Variants in ULK4 observed in about 807,000 individuals in gnomAD.
The protein encoded by ULK4 is unc-51 like kinase 4, also known as inactive serine/threonine-protein kinase ULK4.
A neutral mutation model predicts 160.6 loss-of-function variants in ULK4; 133 were observed. That is an observed-to-expected ratio of 0.83 (90% CI 0.72 to 0.96). The LOEUF is 0.96. Among genes scored for constraint, ULK4 ranks in the 40% least tolerant of loss-of-function variants. The pLI, the probability that ULK4 is intolerant of heterozygous loss-of-function variation, is 0.00. For missense variants in ULK4, 1,580 were observed against 1,499.5 expected, an observed-to-expected ratio of 1.05 and a Z score of -0.89; for synonymous variants, 534 against 539.8, an observed-to-expected ratio of 0.99 and a Z score of 0.15.
Position 41,834,274 on chromosome 3 carries a change from A to T in ULK4, c.1764+1590T>A, listed in dbSNP as rs550037823. Among the ~76,000 whole-genome samples, 149 of 151,954 alleles carry T rather than the reference A, an allele frequency of 9.8e-4. 1 individual carries two copies. Among genetic ancestry groups the T allele is most frequent in the African/African-American group, 3.4e-3 (142 of 41,522 alleles). On this transcript the variant is annotated intron_variant, in intron 18 of 36. Transcript: ENST00000301831. ...TATAGAATAAAAGAATTGCAACAAA[A>T]TTTTTTTATATATTAATATATGTAA... is the stretch of plus-strand genomic sequence containing the variant.
intron 35 of ULK4, among the ~76,000 whole-genome samples, chr3:41,290,593 AG>A (rs61440198): frequency 9.9e-5 from 15 of 151,934 alleles, no homozygotes; most frequent in Non-Finnish European, 2.2e-4. Context: ...TTCCACTGGG[AG>A]GGGGTTCTGG....
intron 35 of ULK4, among the ~76,000 whole-genome samples, chr3:41,386,802 G>A (rs1048064275): frequency 6.6e-6 from 1 of 152,130 alleles, no homozygotes; most frequent in Non-Finnish European, 1.5e-5. Context: ...GCTGATGTGT[G>A]GGGAAATGAG....
chr3:41,831,531 A>ATATATATATATATATTTTTTTTTTTTT, intron 18 of ULK4, among the ~76,000 whole-genome samples: 12 of 138,120 alleles, frequency 8.7e-5, no homozygotes, highest in African/African-American at 2.8e-4. Flanking sequence ...ATATATATAT[A>ATATATATATATATATTTTTTTTTTTTT]TTTTTTTTTC....
At chr3:41,763,000 AACTC>A (rs1313868681) in intron 21 of ULK4, among the ~76,000 whole-genome samples, 1 of 151,940 alleles carries the variant, frequency 6.6e-6, no homozygotes, top group Non-Finnish European at 1.5e-5. Context: ...CTCTTGTGAG[AACTC>A]ACTCACTATC....
intron 19 of ULK4, among the ~76,000 whole-genome samples, chr3:41,816,238 TCA>T (rs992740963): frequency 6.6e-6 from 1 of 151,868 alleles, no homozygotes; most frequent in African/African-American, 2.4e-5. Context: ...ACACACATAC[TCA>T]CACACACACA....
intron 27 of ULK4, among the ~76,000 whole-genome samples, chr3:41,692,263 C>T (rs1489079157): frequency 2.0e-5 from 3 of 148,482 alleles, no homozygotes; most frequent in Middle Eastern, 6.9e-3. Flanking sequence ...TAAATCACTT[C>T]TAATTCATAG....
At chr3:41,421,545 C>T (rs1390923493) in intron 34 of ULK4, among the ~76,000 whole-genome samples, 2 of 152,162 alleles carry the variant, frequency 1.3e-5, no homozygotes, top group Admixed American at 6.5e-5. Context: ...TGTTTTTGTT[C>T]GCCTTCAATT....
chr3:41,856,026 G>A (rs1012080635), intron 17 of ULK4, among the ~76,000 whole-genome samples: 8 of 152,238 alleles, frequency 5.3e-5, no homozygotes, highest in Middle Eastern at 3.4e-3. Flanking sequence ...ATCATTTTAA[G>A]AAATTAGAAA....
intron 36 of ULK4, among the ~76,000 whole-genome samples, chr3:41,248,571 T>G (rs1198985125): frequency 2.6e-5 from 4 of 152,208 alleles, no homozygotes; most frequent in Non-Finnish European, 5.9e-5. Context: ...CTCTGCAAAC[T>G]CACCTTCTTA....
chr3:41,856,032 A>G (rs1016578147), intron 17 of ULK4, among the ~76,000 whole-genome samples: 1 of 152,198 alleles, frequency 6.6e-6, no homozygotes. Flanking sequence ...TTAAGAAATT[A>G]GAAAGCATGT....
At chr3:41,956,172 T>G (rs1661915510) in intron 1 of ULK4, among the ~76,000 whole-genome samples, 1 of 152,204 alleles carries the variant, frequency 6.6e-6, no homozygotes. Flanking sequence ...ACTTTGTAAC[T>G]TCACCTTAGC....
At chr3:41,704,224 C>T (rs2036785202) in intron 27 of ULK4, among the ~76,000 whole-genome samples, 2 of 152,108 alleles carry the variant, frequency 1.3e-5, no homozygotes, top group Non-Finnish European at 2.9e-5. Context: ...GGGTCAAATG[C>T]TAAATGGGAC....
At chr3:41,635,953 C>T (rs183145783) in intron 30 of ULK4, among the ~76,000 whole-genome samples, 2 of 152,266 alleles carry the variant, frequency 1.3e-5, no homozygotes, top group Admixed American at 6.5e-5. Flanking sequence ...AGTTTTCCAA[C>T]CTGTCATTTA....
chr3:41,782,407 A>T (rs1365413818), intron 21 of ULK4, among the ~76,000 whole-genome samples: 2 of 152,164 alleles, frequency 1.3e-5, no homozygotes, highest in African/African-American at 4.8e-5. Flanking sequence ...CAAATTTAGA[A>T]CAGAGACACA....
intron 35 of ULK4, among the ~76,000 whole-genome samples, chr3:41,377,898 C>A (rs1266875998): frequency 3.3e-5 from 5 of 150,522 alleles, no homozygotes; most frequent in Non-Finnish European, 7.4e-5. Flanking sequence ...GACTATAAAT[C>A]ATGCTGCTAT....
intron 18 of ULK4, among the ~76,000 whole-genome samples, chr3:41,819,950 T>C (rs1474735085): frequency 6.6e-6 from 1 of 152,188 alleles, no homozygotes; most frequent in Admixed American, 6.5e-5. Context: ...AAAGGTATTA[T>C]GTTACCTAGT....
chr3:41,327,594 T>C (rs2080362327), intron 35 of ULK4, among the ~76,000 whole-genome samples: 1 of 152,208 alleles, frequency 6.6e-6, no homozygotes, highest in Admixed American at 6.6e-5. Context: ...ACCTTTCAAC[T>C]GCAGCAATTA....
chr3:41,434,886 C>G (rs779594716), intron 34 of ULK4, among the ~76,000 whole-genome samples: 12 of 152,112 alleles, frequency 7.9e-5, no homozygotes, highest in Non-Finnish European at 1.5e-4. Context: ...AGTACTTAGT[C>G]AATTTATTTT....
At chr3:41,773,761 C>A (rs1239498020) in intron 21 of ULK4, among the ~76,000 whole-genome samples, 3 of 152,134 alleles carry the variant, frequency 2.0e-5, no homozygotes, top group Non-Finnish European at 4.4e-5. Context: ...CCGGCATTGC[C>A]AAGTCAATCC....
Sources: gnomAD v4.1 joint callset for allele counts (sites outside exome capture counted in the v4.1 genomes callset) on GRCh38, gnomAD v4.1.1 for gene constraint, MANE v1.5 for transcripts, NCBI Gene and HGNC (gene_info 2026-07-23, HGNC 2026-07-21) for gene names.